Variants in TNRC6B observed in about 807,000 individuals in gnomAD.
TNRC6B encodes the protein trinucleotide repeat containing adaptor 6B.
TNRC6B carries 52 observed loss-of-function variants against 203.6 expected under a neutral mutation model. The ratio of observed to expected loss-of-function variants is 0.26; its 90% CI spans 0.20 to 0.32. The LOEUF is 0.32. TNRC6B is among the 10% of genes least tolerant of loss of function. The pLI is 1.00. For missense variants in TNRC6B, 1,923 were observed against 2,286.2 expected, an observed-to-expected ratio of 0.84 and a Z score of 3.24; for synonymous variants, 838 against 845.7, an observed-to-expected ratio of 0.99 and a Z score of 0.16.
At chr22:40,167,972 A>G (rs1027640088) in intron 4 of TNRC6B, among the ~76,000 whole-genome samples, 4 of 152,170 alleles carry the variant, frequency 2.6e-5, no homozygotes, top group African/African-American at 4.8e-5. Flanking sequence ...GGGGGCCTGC[A>G]GGTTTAAATT....
chr22:40,292,917 GTC>G (rs1463003391), intron 12 of TNRC6B, among the ~76,000 whole-genome samples: 2 of 152,172 alleles, frequency 1.3e-5, no homozygotes, highest in Non-Finnish European at 2.9e-5. Flanking sequence ...TTCTGCATGT[GTC>G]TCTCTGTCTT....
intron 4 of TNRC6B, among the ~76,000 whole-genome samples, chr22:40,262,894 G>A (rs374881781): frequency 1.1e-4 from 16 of 152,028 alleles, no homozygotes; most frequent in African/African-American, 3.6e-4. Flanking sequence ...AAAAAAATTA[G>A]CCAGGCATGG....
At chr22:40,102,615 A>G (rs1171507136) in intron 1 of TNRC6B, among the ~76,000 whole-genome samples, 1 of 152,078 alleles carries the variant, frequency 6.6e-6, no homozygotes, top group East Asian at 1.9e-4. Flanking sequence ...ATATATATAA[A>G]CTTCACCCAG....
At chr22:40,075,156 A>ATATATATTTTTTT in intron 1 of TNRC6B, among the ~76,000 whole-genome samples, 5 of 35,568 alleles carry the variant, frequency 1.4e-4, no homozygotes, top group Non-Finnish European at 2.1e-4. Context: ...ATATATATAT[A>ATATATATTTTTTT]TTTTTTTTTT....
intron 11 of TNRC6B, among the ~76,000 whole-genome samples, chr22:40,282,446 T>G (rs190857573): frequency 3.7e-4 from 57 of 152,376 alleles, no homozygotes; most frequent in Admixed American, 3.1e-3. Context: ...GGATATATAC[T>G]GTTTATATAA....
At chr22:40,201,791 C>T (rs1418535685) in intron 1 of TNRC6B, among the ~76,000 whole-genome samples, 3 of 152,008 alleles carry the variant, frequency 2.0e-5, no homozygotes, top group Non-Finnish European at 4.4e-5. Context: ...ACCCAAAATG[C>T]TCCAAAATCT....
At chr22:40,139,861 A>C (rs568499748) in intron 3 of TNRC6B, among the ~76,000 whole-genome samples, 30 of 152,180 alleles carry the variant, frequency 2.0e-4, no homozygotes, top group Non-Finnish European at 1.8e-4. Context: ...CTGTTTTTCA[A>C]GTGACTACAC....
rs1601513154 is a variant in TNRC6B at position 40,310,130 on chromosome 22, G to C, written c.4259-687G>C. The stretch of plus-strand genomic sequence containing the variant: ...CCCATAGCATATAAAATGCATGATG[G>C]GGGCAGCGACAAAACCACTGAAGTG... On this transcript the variant is annotated intron_variant, in intron 16 of 22. Coordinates refer to ENST00000454349, the MANE Select transcript of TNRC6B (RefSeq NM_001162501.2). 3.3e-5 allele frequency among the ~76,000 whole-genome samples: 5 copies of C among 152,224 alleles called. No homozygotes were observed. In the South Asian group the frequency reaches 8.3e-4, roughly 25 times the overall value.
chr22:40,089,239 T>C (rs536850470), intron 1 of TNRC6B, among the ~76,000 whole-genome samples: 24 of 152,262 alleles, frequency 1.6e-4, no homozygotes, highest in Non-Finnish European at 3.2e-4. Flanking sequence ...AGACTTTTTT[T>C]TTCTTTTTTT....
Position 40,328,899 on chromosome 22 carries a change from C to G in TNRC6B, c.*5658C>G, listed in dbSNP as rs1034367872. The G allele has an allele frequency of 3.9e-5, 6 of 152,192 alleles. No homozygotes were observed. The highest frequency in any genetic ancestry group is 1.2e-4 in the African/African-American group (5 of 41,314). 9.4% of individuals were successfully genotyped at this position (152,192 alleles called of 1,614,324 possible). On this transcript the variant is annotated 3_prime_UTR_variant, in exon 23 of 23. Coordinates refer to ENST00000454349, the MANE Select transcript of TNRC6B (RefSeq NM_001162501.2). ...TTTTGTTTTTAAGTATCTATAAGAT[C>G]TTTAGAAGTGAGATAAATTTTTCGC...
chr22:40,136,773 T>C (rs1023419322), intron 3 of TNRC6B, among the ~76,000 whole-genome samples: 5 of 152,118 alleles, frequency 3.3e-5, no homozygotes, highest in Non-Finnish European at 7.4e-5. Context: ...TTTATAGCTA[T>C]ATATTTAAGT....
intron 3 of TNRC6B, among the ~76,000 whole-genome samples, chr22:40,153,943 A>C (rs899285320): frequency 3.3e-5 from 5 of 151,010 alleles, no homozygotes; most frequent in Non-Finnish European, 5.9e-5. Context: ...AATTATATTA[A>C]TTAATATTAA....
At chr22:40,205,821 A>G (rs1419012572) in intron 1 of TNRC6B, among the ~76,000 whole-genome samples, 2 of 152,242 alleles carry the variant, frequency 1.3e-5, no homozygotes. Context: ...TTTGATTGGC[A>G]GAACCCACCA....
intron 1 of TNRC6B, among the ~76,000 whole-genome samples, chr22:40,047,004 C>T (rs530710245): frequency 6.6e-6 from 1 of 152,224 alleles, no homozygotes; most frequent in South Asian, 2.1e-4. Flanking sequence ...ATAATATTAG[C>T]TAACATTTAT....
At chr22:40,088,631 T>TGTGTGTGTGTGTGTGTG (rs1569256208) in intron 1 of TNRC6B, among the ~76,000 whole-genome samples, 4 of 149,814 alleles carry the variant, frequency 2.7e-5, no homozygotes, top group African/African-American at 7.4e-5. Flanking sequence ...TGTGTGTGTG[T>TGTGTGTGTGTGTGTGTG]TTTAGTAGAG....
chr22:40,254,654 G>A (rs149189544), intron 3 of TNRC6B, among the ~76,000 whole-genome samples: 52 of 152,344 alleles, frequency 3.4e-4, no homozygotes, highest in African/African-American at 1.2e-3. Context: ...TTGGGAGGCC[G>A]AGGTGGGCAG....
At chr22:40,102,906 G>A (rs1318996651) in intron 1 of TNRC6B, among the ~76,000 whole-genome samples, 4 of 151,958 alleles carry the variant, frequency 2.6e-5, no homozygotes, top group African/African-American at 4.8e-5. Flanking sequence ...GTGAAACCCC[G>A]TCTCTACTAA....
intron 1 of TNRC6B, among the ~76,000 whole-genome samples, chr22:40,088,569 G>GC (rs2068120080): frequency 6.9e-6 from 1 of 145,894 alleles, no homozygotes; most frequent in South Asian, 2.2e-4. Flanking sequence ...CTGCCACCAT[G>GC]CCCGGCGGCT....
At chr22:40,184,205 A>G (rs999455006) in intron 1 of TNRC6B, among the ~76,000 whole-genome samples, 2 of 152,340 alleles carry the variant, frequency 1.3e-5, no homozygotes, top group East Asian at 1.9e-4. Context: ...GATAAGTACA[A>G]GTACAAGCCT....
Sources: allele counts gnomAD v4.1 joint callset (sites outside exome capture counted in the v4.1 genomes callset), GRCh38; gene constraint gnomAD v4.1.1; transcripts MANE v1.5; gene names NCBI Gene and HGNC (gene_info 2026-07-23, HGNC 2026-07-21).